The following MICU2 variants were observed in gnomAD, a reference collection of about 807,000 sequenced individuals.
MICU2 encodes calcium uptake protein 2, mitochondrial.
In MICU2, 64 loss-of-function variants were observed where a neutral mutation model predicts 60.4. The observed-to-expected ratio is 1.06, with a 90% CI of 0.87 to 1.31. The LOEUF (loss-of-function observed/expected upper bound fraction) is 1.31. Ranked by LOEUF, MICU2 falls within the 50% of genes most tolerant of loss-of-function variation. MICU2 has a pLI of 0.00. For missense variants in MICU2, 569 were observed against 531.0 expected (o/e 1.07, Z -0.70); for synonymous variants, 201 against 175.0 (o/e 1.15, Z -1.17).
chr13:21,591,428 G>A (rs1009003285), intron 1 of MICU2, among the ~76,000 whole-genome samples: 4 of 152,128 alleles, frequency 2.6e-5, no homozygotes, highest in African/African-American at 4.8e-5. Context: ...ATATTAGTGG[G>A]GGACTTTTAA....
chr13:21,538,204 T>G (rs1292524604), intron 4 of MICU2, among the ~76,000 whole-genome samples: 1 of 151,992 alleles, frequency 6.6e-6, no homozygotes, highest in Non-Finnish European at 1.5e-5. Flanking sequence ...TGGCTTTAGA[T>G]CTCATCCTAT....
At chr13:21,514,538 TTC>T in intron 6 of MICU2, 120 bp from the exon 7 acceptor site, 2 of 639,294 alleles carry the variant, frequency 3.1e-6, no homozygotes. Flanking sequence ...AAATATTAAC[TTC>T]TTTTTTTTTT....
At chr13:21,573,709 A>G (rs1277095321) in intron 1 of MICU2, among the ~76,000 whole-genome samples, 1 of 152,164 alleles carries the variant, frequency 6.6e-6, no homozygotes, top group Non-Finnish European at 1.5e-5. Flanking sequence ...TCAACCTTTT[A>G]AAAACTGTTG....
rs548841174 is a variant in MICU2 at position 21,576,257 on chromosome 13, C to T, written c.211-9313G>A. On this transcript the variant is annotated intron_variant, in intron 1 of 11. Coordinates refer to ENST00000382374, the MANE Select transcript of MICU2 (RefSeq NM_152726.3). ...CAACAGGTCTGGTATCTTGATTTAT[C>T]TTGACTGTGATCTCTTTTTTTTGGG... Among the ~76,000 whole-genome samples, 63 of 152,234 alleles carry T rather than the reference C, an allele frequency of 4.1e-4. No homozygotes were observed. The South Asian group carries it at 0.012, about 30-fold the overall frequency.
intron 11 of MICU2, among the ~76,000 whole-genome samples, chr13:21,494,137 G>A (rs78810559): frequency 0.037 from 5,662 of 152,222 alleles, 355 homozygotes; most frequent in African/African-American, 0.13. Context: ...ATGGGTGTTG[G>A]ATAACTGCAA....
chr13:21,548,339 A>T (rs544623247), intron 2 of MICU2, among the ~76,000 whole-genome samples: 1 of 152,314 alleles, frequency 6.6e-6, no homozygotes, highest in South Asian at 2.1e-4. Flanking sequence ...TCTAATATGA[A>T]CATAGGTTTT....
At chr13:21,555,931 T>C (rs1566159274) in intron 2 of MICU2, among the ~76,000 whole-genome samples, 1 of 152,174 alleles carries the variant, frequency 6.6e-6, no homozygotes, top group Non-Finnish European at 1.5e-5. Context: ...TCAAACTCTT[T>C]TCCCTCTTGT....
chr13:21,583,633 C>A (rs1888397241), intron 1 of MICU2, among the ~76,000 whole-genome samples: 1 of 152,314 alleles, frequency 6.6e-6, no homozygotes, highest in South Asian at 2.1e-4. Flanking sequence ...GCAGTCACAG[C>A]TCCATGCATG....
chr13:21,603,815 A>T (rs994905533), intron 1 of MICU2, 124 bp downstream of exon 1: 24 of 1,108,834 alleles, frequency 2.2e-5, no homozygotes, highest in Non-Finnish European at 3.1e-5. Context: ...GGGCGCTCCG[A>T]TCCGCAGCGG....
At chr13:21,554,026 A>C (rs1364711558) in intron 2 of MICU2, among the ~76,000 whole-genome samples, 1 of 152,218 alleles carries the variant, frequency 6.6e-6, no homozygotes, top group Non-Finnish European at 1.5e-5. Flanking sequence ...ACCCAGATTC[A>C]TAAAGCAAGT....
At chr13:21,507,650 C>T (rs1218617053) in intron 8 of MICU2, among the ~76,000 whole-genome samples, 1 of 150,470 alleles carries the variant, frequency 6.6e-6, no homozygotes, top group Non-Finnish European at 1.5e-5. Context: ...GTTGCCCAGG[C>T]TGGAGTGCAG....
intron 2 of MICU2, among the ~76,000 whole-genome samples, chr13:21,557,926 A>G (rs1460301329): frequency 1.3e-5 from 2 of 152,184 alleles, no homozygotes; most frequent in Non-Finnish European, 2.9e-5. Flanking sequence ...TGGCTATTCT[A>G]AAGTCTTTTT....
chr13:21,521,129 C>G, intron 6 of MICU2, 116 bp downstream of exon 6: 1 of 816,870 alleles, frequency 1.2e-6, no homozygotes, highest in Non-Finnish European at 1.9e-6. Flanking sequence ...CAAATAATTT[C>G]CTGATAGTTC....
At chr13:21,590,955 A>G (rs1344579267) in intron 1 of MICU2, among the ~76,000 whole-genome samples, 1 of 152,238 alleles carries the variant, frequency 6.6e-6, no homozygotes, top group African/African-American at 2.4e-5. Flanking sequence ...GAGCAATGAC[A>G]TTACGAAGAA....
intron 7 of MICU2, among the ~76,000 whole-genome samples, chr13:21,512,409 C>CTCT (rs1342132365): frequency 6.6e-6 from 1 of 151,348 alleles, no homozygotes; most frequent in Non-Finnish European, 1.5e-5. Flanking sequence ...TCTTTTCACA[C>CTCT]TCTTGACAGT....
In MICU2 at chr13:21,493,290, C is replaced by T. The variant is rs1246999934; in HGVS notation, c.1264G>A (p.Val422Ile). The T allele has an allele frequency of 6.2e-7, 1 of 1,610,498 alleles. No homozygotes were observed. Among genetic ancestry groups the T allele is most frequent in the Non-Finnish European group, 8.5e-7 (1 of 1,178,724 alleles). Residue 422 changes from valine (V) to isoleucine (I), a missense_variant, in exon 12 of 12, where the codon GTA (valine) becomes ATA (isoleucine). Transcript: ENST00000382374. Reference sequence around the variant, plus strand: ...CCAGCTTGTTTCCAGACTTCTTTTACTCCTTTAATGCTTTCTTTCTTCACA... The same window carrying T: ...CCAGCTTGTTTCCAGACTTCTTTTATTCCTTTAATGCTTTCTTTCTTCACA... ...KCVKKESIKGVKEVWKQAGKG... is the reference protein window; with the variant it reads ...KCVKKESIKGIKEVWKQAGKG...
chr13:21,584,118 G>A lies in MICU2; in HGVS notation c.211-17174C>T, dbSNP rs185826930. Among the ~76,000 whole-genome samples, 218 of 152,244 alleles carry A rather than the reference G, an allele frequency of 1.4e-3. 1 individual carries two copies. The highest frequency in any genetic ancestry group is 2.3e-3 in the Non-Finnish European group (159 of 68,030). On this transcript the variant is annotated intron_variant, in intron 1 of 11. Coordinates refer to ENST00000382374, the MANE Select transcript of MICU2 (RefSeq NM_152726.3). ...AAAATGGTTTGCACTGGCCAGGCACGGTGGCTCACGCCTGTAATCCCAGCA... is the reference window on the plus strand; with the variant it reads ...AAAATGGTTTGCACTGGCCAGGCACAGTGGCTCACGCCTGTAATCCCAGCA...
chr13:21,512,200 TGAC>T (rs1886447357), intron 7 of MICU2, among the ~76,000 whole-genome samples: 2 of 152,252 alleles, frequency 1.3e-5, no homozygotes, highest in Non-Finnish European at 2.9e-5. Flanking sequence ...ATTGCGCTAA[TGAC>T]TAAAGGTGGT....
chr13:21,538,999 C>A (rs76378421), intron 4 of MICU2, among the ~76,000 whole-genome samples: 4,109 of 152,084 alleles, frequency 0.027, 180 homozygotes, highest in African/African-American at 0.092. Flanking sequence ...CTCTACCTCT[C>A]TGATTACTCT....
Sources: allele counts gnomAD v4.1 joint callset (sites outside exome capture counted in the v4.1 genomes callset), GRCh38; gene constraint gnomAD v4.1.1; transcripts MANE v1.5; gene names NCBI Gene and HGNC (gene_info 2026-07-23, HGNC 2026-07-21).